The following TRHDE variants were observed in gnomAD, a reference collection of about 807,000 sequenced individuals.
The protein encoded by TRHDE is thyrotropin releasing hormone degrading enzyme.
TRHDE carries 72 observed loss-of-function variants against 125.7 expected under a neutral mutation model. The ratio of observed to expected loss-of-function variants is 0.57; its 90% CI spans 0.47 to 0.70. The LOEUF (loss-of-function observed/expected upper bound fraction) is 0.70. Ranked by LOEUF, TRHDE falls within the 30% of genes least tolerant of loss-of-function variation. TRHDE has a pLI of 0.00. For synonymous variants in TRHDE, 509 were observed against 509.1 expected (o/e 1.00, Z 0.00); for missense variants, 1,110 against 1,327.1 (o/e 0.84, Z 2.54).
At chr12:72,644,310 C>T (rs544286912) in intron 15 of TRHDE, among the ~76,000 whole-genome samples, 5 of 151,710 alleles carry the variant, frequency 3.3e-5, no homozygotes, top group Non-Finnish European at 5.9e-5. Context: ...GTTCATGCAT[C>T]GAGTATCTTA....
Position 72,375,831 on chromosome 12 carries a change from C to T in TRHDE, c.1189-2164C>T, listed in dbSNP as rs550385907. Among the ~76,000 whole-genome samples the T allele has an allele frequency of 1.1e-3, 163 of 152,270 alleles. 1 individual carries two copies. Among genetic ancestry groups the T allele is most frequent in the Middle Eastern group, 3.4e-3 (1 of 294 alleles). ...AAATTAAAAATGCTTAGTCCAGGCC[C>T]TGATACAAGATGGGTGCGAATAAAT... On this transcript the variant is annotated intron_variant, in intron 2 of 18. Transcript: ENST00000261180.
At chr12:72,209,136 T>C (rs957366860) in intron 2 of TRHDE, among the ~76,000 whole-genome samples, 2 of 152,206 alleles carry the variant, frequency 1.3e-5, no homozygotes, top group Non-Finnish European at 2.9e-5. Flanking sequence ...CCTCTCCTGT[T>C]GAAGCTGTAC....
chr12:72,198,878 AC>A (rs150837878), intron 2 of TRHDE, among the ~76,000 whole-genome samples: 1,974 of 152,150 alleles, frequency 0.013, 46 homozygotes, highest in African/African-American at 0.046. Flanking sequence ...CAGGAAACTT[AC>A]AATCATGGCA....
At chr12:72,638,732 T>TGTAAA (rs1457483717) in intron 15 of TRHDE, among the ~76,000 whole-genome samples, 7 of 151,896 alleles carry the variant, frequency 4.6e-5, no homozygotes, top group African/African-American at 1.7e-4. Context: ...TTTGCTTGTC[T>TGTAAA]GTAAAGTATT....
chr12:72,184,318 C>T (rs1480361779), intron 2 of TRHDE, among the ~76,000 whole-genome samples: 3 of 152,046 alleles, frequency 2.0e-5, no homozygotes, highest in Admixed American at 6.5e-5. Flanking sequence ...AACATCCTTC[C>T]AGTTCCTTCT....
intron 12 of TRHDE, chr12:72,582,414 G>A: frequency 1.0e-6 from 1 of 985,270 alleles, no homozygotes; most frequent in South Asian, 4.7e-5. Flanking sequence ...TTTGCAAACT[G>A]TGGAAGTAAT....
At chr12:72,203,750 AT>A (rs964667758) in intron 2 of TRHDE, among the ~76,000 whole-genome samples, 1 of 151,888 alleles carries the variant, frequency 6.6e-6, no homozygotes, top group Non-Finnish European at 1.5e-5. Context: ...TAGTGGACAA[AT>A]TTTTTCTATT....
chr12:72,629,232 T>C (rs999982001), intron 15 of TRHDE, among the ~76,000 whole-genome samples: 1 of 151,896 alleles, frequency 6.6e-6, no homozygotes, highest in Non-Finnish European at 1.5e-5. Flanking sequence ...CATGACATTT[T>C]ACTTTTTTAA....
intron 2 of TRHDE, among the ~76,000 whole-genome samples, chr12:72,148,909 T>G (rs949997451): frequency 2.6e-5 from 4 of 152,232 alleles, no homozygotes; most frequent in African/African-American, 7.2e-5. Context: ...GCTGTGACTC[T>G]GCTGCAATGA....
chr12:72,131,190 GC>G lies in TRHDE; in HGVS notation n.279+25440del, dbSNP rs1179727435. Among the ~76,000 whole-genome samples the G allele has an allele frequency of 2.0e-5, 3 of 149,240 alleles. No individual in the cohort carries two copies. The East Asian group carries it at 6.0e-4, about 30-fold the overall frequency. ...GGGTTCACGCCATTTTCCTGCCTCA[GC>G]CTCCGGAGTAGCTGGGACTACAGGC... On this transcript the variant is annotated intron_variant and non_coding_transcript_variant, in intron 2 of 4. Coordinates refer to the TRHDE transcript ENST00000548156.
At chr12:72,458,279 A>G (rs114767237) in intron 3 of TRHDE, among the ~76,000 whole-genome samples, 2,768 of 152,328 alleles carry the variant, frequency 0.018, 106 homozygotes, top group African/African-American at 0.062. Flanking sequence ...CCGGTGTTTT[A>G]TAAATATACC....
chr12:72,366,591 C>T (rs778670178), intron 2 of TRHDE, among the ~76,000 whole-genome samples: 7 of 151,778 alleles, frequency 4.6e-5, no homozygotes, highest in Non-Finnish European at 5.9e-5. Flanking sequence ...GTGAAAAGAC[C>T]GAGCCAATGG....
chr12:72,531,860 TA>T (rs908327801), intron 6 of TRHDE, among the ~76,000 whole-genome samples: 1 of 152,114 alleles, frequency 6.6e-6, no homozygotes, highest in African/African-American at 2.4e-5. Flanking sequence ...GTCATAGGGC[TA>T]ACCACTACAA....
At chr12:72,289,906 T>C (rs907119056) in intron 2 of TRHDE, among the ~76,000 whole-genome samples, 7 of 152,214 alleles carry the variant, frequency 4.6e-5, no homozygotes, top group African/African-American at 1.7e-4. Flanking sequence ...ATCTAGTCCA[T>C]TTCACTGATA....
intron 15 of TRHDE, 41 bp downstream of exon 15, chr12:72,621,792 A>G (rs755341022): frequency 1.4e-6 from 2 of 1,446,080 alleles, no homozygotes; most frequent in Admixed American, 2.0e-5. Flanking sequence ...ATTATTTAAT[A>G]GTGCTTTCAG....
chr12:72,170,287 T>TTTCCA (rs1370527574), intron 2 of TRHDE, among the ~76,000 whole-genome samples: 1 of 152,154 alleles, frequency 6.6e-6, no homozygotes, highest in East Asian at 1.9e-4. Context: ...AATAGATACA[T>TTTCCA]GGTTCTGGAA....
chr12:72,644,296 G>A (rs1319955096), intron 15 of TRHDE, among the ~76,000 whole-genome samples: 1 of 152,168 alleles, frequency 6.6e-6, no homozygotes, highest in Non-Finnish European at 1.5e-5. Context: ...GAGAAATGAG[G>A]TAGGTTCATG....
chr12:72,382,159 A>C (rs936744736), intron 3 of TRHDE, among the ~76,000 whole-genome samples: 2 of 152,178 alleles, frequency 1.3e-5, no homozygotes, highest in African/African-American at 4.8e-5. Context: ...TGAGACATCA[A>C]GTGGGGAAAG....
intron 12 of TRHDE, among the ~76,000 whole-genome samples, chr12:72,600,667 A>G (rs1325349363): frequency 6.6e-6 from 1 of 152,006 alleles, no homozygotes; most frequent in Non-Finnish European, 1.5e-5. Flanking sequence ...GTTGAAGCTA[A>G]TGCTCATTTA....
Sources: gnomAD v4.1 joint callset for allele counts (sites outside exome capture counted in the v4.1 genomes callset) on GRCh38, gnomAD v4.1.1 for gene constraint, MANE v1.5 for transcripts, NCBI Gene and HGNC (gene_info 2026-07-23, HGNC 2026-07-21) for gene names.